The following KIAA1217 variants were observed in gnomAD, a reference collection of about 807,000 sequenced individuals.
KIAA1217 encodes the protein KIAA1217.
In KIAA1217, 88 loss-of-function variants were observed where a neutral mutation model predicts 163.9. The observed-to-expected ratio is 0.54, with a 90% CI of 0.45 to 0.64. KIAA1217 has a LOEUF of 0.64. KIAA1217 is among the 30% of genes least tolerant of loss of function. The pLI is 0.00. For synonymous variants in KIAA1217, 903 were observed against 923.1 expected, an observed-to-expected ratio of 0.98 and a Z score of 0.39; for missense variants, 2,372 against 2,475.0, an observed-to-expected ratio of 0.96 and a Z score of 0.88.
At chr10:23,955,832 T>C (rs894042999) in intron 1 of KIAA1217, among the ~76,000 whole-genome samples, 6 of 152,220 alleles carry the variant, frequency 3.9e-5, no homozygotes, top group Non-Finnish European at 7.3e-5. Context: ...CCTCATTCCC[T>C]TTCGGTTCAT....
chr10:24,092,613 A>T (rs544423856), intron 2 of KIAA1217, among the ~76,000 whole-genome samples: 1 of 151,802 alleles, frequency 6.6e-6, no homozygotes, highest in African/African-American at 2.4e-5. Flanking sequence ...AGCTTGAATG[A>T]TTCTTAAATA....
chr10:24,278,044 G>A (rs1488588304), intron 2 of KIAA1217, among the ~76,000 whole-genome samples: 6 of 152,194 alleles, frequency 3.9e-5, no homozygotes, highest in African/African-American at 1.2e-4. Context: ...GCTCGAGGAC[G>A]CCGTCATGGG....
At chr10:24,283,029 C>G (rs2078134946) in intron 2 of KIAA1217, among the ~76,000 whole-genome samples, 1 of 151,698 alleles carries the variant, frequency 6.6e-6, no homozygotes, top group South Asian at 2.1e-4. Flanking sequence ...GACGGGGTTT[C>G]TCCATGTTGG....
intron 2 of KIAA1217, among the ~76,000 whole-genome samples, chr10:24,094,902 C>T (rs183894828): frequency 6.6e-5 from 10 of 152,312 alleles, no homozygotes; most frequent in Admixed American, 3.3e-4. Context: ...TCGAGCTTCC[C>T]GGCTGCTTTG....
intron 2 of KIAA1217, among the ~76,000 whole-genome samples, chr10:24,138,835 GT>G (rs2063938067): frequency 1.3e-5 from 2 of 152,114 alleles, no homozygotes; most frequent in African/African-American, 4.8e-5. Flanking sequence ...CCATTTTACA[GT>G]TTTATATCAA....
intron 1 of KIAA1217, among the ~76,000 whole-genome samples, chr10:23,964,839 G>T (rs1305588317): frequency 6.6e-6 from 1 of 152,168 alleles, no homozygotes; most frequent in African/African-American, 2.4e-5. Context: ...ACAGGCGTGA[G>T]CCACCATGCC....
intron 2 of KIAA1217, among the ~76,000 whole-genome samples, chr10:24,181,079 G>A (rs1303759264): frequency 6.6e-6 from 1 of 152,160 alleles, no homozygotes; most frequent in African/African-American, 2.4e-5. Context: ...CACACGTTAG[G>A]AGCTGGTTAC....
At chr10:23,847,733 AT>A (rs1179372294) in intron 1 of KIAA1217, among the ~76,000 whole-genome samples, 1 of 151,712 alleles carries the variant, frequency 6.6e-6, no homozygotes, top group Non-Finnish European at 1.5e-5. Flanking sequence ...CTGCTCTGAT[AT>A]TAGTTCTTTC....
At chr10:24,113,503 A>G (rs1354492891) in intron 2 of KIAA1217, among the ~76,000 whole-genome samples, 1 of 152,196 alleles carries the variant, frequency 6.6e-6, no homozygotes, top group African/African-American at 2.4e-5. Context: ...AGGGATGAGT[A>G]TTGTAGAAGA....
At chr10:23,905,247 C>T (rs1326907540) in intron 1 of KIAA1217, among the ~76,000 whole-genome samples, 2 of 151,456 alleles carry the variant, frequency 1.3e-5, no homozygotes, top group Non-Finnish European at 2.9e-5. Flanking sequence ...TGCCCAGGAC[C>T]CTGGATCACA....
At chr10:24,063,921 C>T (rs1205404221) in intron 2 of KIAA1217, among the ~76,000 whole-genome samples, 1 of 152,156 alleles carries the variant, frequency 6.6e-6, no homozygotes, top group Non-Finnish European at 1.5e-5. Flanking sequence ...TGGGAGTTCA[C>T]TCATGATTTG....
intron 2 of KIAA1217, among the ~76,000 whole-genome samples, chr10:24,065,950 G>A (rs1196479029): frequency 6.6e-6 from 1 of 152,124 alleles, no homozygotes; most frequent in African/African-American, 2.4e-5. Flanking sequence ...TTTTATCAGA[G>A]ACTAGGATTG....
At chr10:24,078,623 C>G (rs974078129) in intron 2 of KIAA1217, among the ~76,000 whole-genome samples, 4 of 152,184 alleles carry the variant, frequency 2.6e-5, no homozygotes, top group Non-Finnish European at 5.9e-5. Flanking sequence ...TTCTCTTATA[C>G]AATGAAGGGG....
chr10:23,760,818 AC>A (rs1834226831), intron 1 of KIAA1217, among the ~76,000 whole-genome samples: 1 of 152,134 alleles, frequency 6.6e-6, no homozygotes, highest in Non-Finnish European at 1.5e-5. Flanking sequence ...GTATCAGCAT[AC>A]GTTTATGTTG....
At chr10:23,922,068 G>C (rs1335062310) in intron 1 of KIAA1217, among the ~76,000 whole-genome samples, 1 of 151,846 alleles carries the variant, frequency 6.6e-6, no homozygotes, top group Non-Finnish European at 1.5e-5. Context: ...ACAGCCTCCT[G>C]GGAGCAGAGA....
At chr10:23,843,430 C>T (rs2131073456) in intron 1 of KIAA1217, among the ~76,000 whole-genome samples, 1 of 152,272 alleles carries the variant, frequency 6.6e-6, no homozygotes, top group East Asian at 1.9e-4. Context: ...ACTTAAAAAT[C>T]AATCCCTGTT....
At chr10:23,705,452 A>G (rs905491555) in intron 1 of KIAA1217, among the ~76,000 whole-genome samples, 15 of 152,258 alleles carry the variant, frequency 9.9e-5, no homozygotes, top group Admixed American at 7.2e-4. Context: ...AAGGGATTCA[A>G]CTTTATTTTT....
chr10:23,827,671 C>T (rs138663017), intron 1 of KIAA1217, among the ~76,000 whole-genome samples: 56 of 152,308 alleles, frequency 3.7e-4, no homozygotes, highest in Middle Eastern at 3.4e-3. Context: ...AGCTTGTTAA[C>T]AGAGCAGGCT....
In KIAA1217 at chr10:24,165,797, G is replaced by A. The variant is rs151269983; in HGVS notation, c.-170-53829G>A. Among the ~76,000 whole-genome samples the A allele has an allele frequency of 3.6e-3, 546 of 152,316 alleles. 4 individuals carry two copies. The highest frequency in any genetic ancestry group is 0.011 in the African/African-American group (467 of 41,568). On this transcript the variant is annotated intron_variant, in intron 2 of 18. Transcript: ENST00000376462. Reference sequence around the variant, plus strand: ...AACTATTTCATGTTTTCAACACTGAGTTCAAACTATCCAATCTCCTAACTA... The same window carrying A: ...AACTATTTCATGTTTTCAACACTGAATTCAAACTATCCAATCTCCTAACTA...
Sources: allele counts gnomAD v4.1 joint callset (sites outside exome capture counted in the v4.1 genomes callset), GRCh38; gene constraint gnomAD v4.1.1; transcripts MANE v1.5; gene names NCBI Gene and HGNC (gene_info 2026-07-23, HGNC 2026-07-21).